MMD2: variants seen among roughly 807,000 people sequenced by gnomAD.
MMD2 encodes the protein monocyte to macrophage differentiation factor 2.
In MMD2, 30 loss-of-function variants were observed where a neutral mutation model predicts 33.5. That is an observed-to-expected ratio of 0.90 (90% CI 0.67 to 1.22). The LOEUF is 1.22. MMD2 is among the 50% of genes most tolerant of loss of function. MMD2 has a pLI of 0.00. For missense variants in MMD2, 364 were observed against 325.4 expected, an observed-to-expected ratio of 1.12 and a Z score of -0.91; for synonymous variants, 129 against 123.0, an observed-to-expected ratio of 1.05 and a Z score of -0.32.
At chr7:4,949,416 T>A (rs1786178404) in intron 1 of MMD2, among the ~76,000 whole-genome samples, 1 of 152,070 alleles carries the variant, frequency 6.6e-6, no homozygotes, top group Non-Finnish European at 1.5e-5. Flanking sequence ...ATCCCACAAA[T>A]AAGTGAGAAC....
In MMD2 at chr7:4,946,197, A is replaced by C. The variant is rs980714553; in HGVS notation, c.47+12774T>G. Reference sequence around the variant, plus strand: ...CATGCACACACACGCGCGCACACCCACACACACGCATGCACACACATGCAC... The same window carrying C: ...CATGCACACACACGCGCGCACACCCCCACACACGCATGCACACACATGCAC... On this transcript the variant is annotated intron_variant, in intron 1 of 6. Coordinates refer to ENST00000401401, the MANE Select transcript of MMD2 (RefSeq NM_198403.4). This position sits in a 1 kb window ranked among gnomAD's most constrained non-coding sequence, Gnocchi z 5.0. Among the ~76,000 whole-genome samples the C allele has an allele frequency of 6.0e-5, 9 of 151,216 alleles. No individual in the cohort carries two copies. Among genetic ancestry groups the C allele is most frequent in the Non-Finnish European group, 8.9e-5 (6 of 67,744 alleles).
At chr7:4,932,017 G>C (rs1048874727) in intron 1 of MMD2, among the ~76,000 whole-genome samples, 4 of 152,138 alleles carry the variant, frequency 2.6e-5, no homozygotes, top group Non-Finnish European at 5.9e-5. Context: ...TCTCCCCGAG[G>C]TCTCTCCCTC....
chr7:4,915,357 G>C (rs1055948495), intron 4 of MMD2, among the ~76,000 whole-genome samples: 1 of 151,740 alleles, frequency 6.6e-6, no homozygotes, highest in African/African-American at 2.4e-5. Flanking sequence ...GTATGTATAT[G>C]CATGTGTATG....
the MMD2 span, among the ~76,000 whole-genome samples, chr7:4,894,510 T>C: frequency 2.0e-5 from 3 of 152,066 alleles, no homozygotes; most frequent in East Asian, 5.8e-4. This position sits in a 1 kb window ranked among gnomAD's most constrained non-coding sequence, Gnocchi z 4.3. Context: ...ACCTCCTCTA[T>C]TGGGCCATCA....
At chr7:4,956,969 C>A (rs1786399246) in intron 1 of MMD2, among the ~76,000 whole-genome samples, 1 of 151,556 alleles carries the variant, frequency 6.6e-6, no homozygotes, top group African/African-American at 2.4e-5. Flanking sequence ...AGTTCAAGAC[C>A]AGCTTGGGCA....
intron 1 of MMD2, among the ~76,000 whole-genome samples, chr7:4,943,372 C>A (rs557666836): frequency 1.3e-5 from 2 of 151,756 alleles, no homozygotes; most frequent in South Asian, 2.1e-4. Flanking sequence ...CTCGATCTCC[C>A]GACCTCGTGA....
chr7:4,949,507 C>G (rs1786181119), intron 1 of MMD2, among the ~76,000 whole-genome samples: 1 of 151,794 alleles, frequency 6.6e-6, no homozygotes, highest in South Asian at 2.1e-4. Flanking sequence ...CTGCAAATGA[C>G]AGAATCTCAG....
rs371310368 is a variant in MMD2 at position 4,907,625 on chromosome 7, A to G, written c.538-26T>C. On this transcript the variant is annotated intron_variant, in intron 6 of 6. Coordinates refer to ENST00000401401, the MANE Select transcript of MMD2 (RefSeq NM_198403.4). ...CTGTCGGCAAGGACAAGGGTGGGGC[A>G]CAGGTCAGAGGGGCAGTCAGTGTGG... is the stretch of plus-strand genomic sequence containing the variant. 9 of 1,610,956 alleles carry G rather than the reference A, an allele frequency of 5.6e-6. No individual in the cohort carries two copies. In the African/African-American group the frequency reaches 1.2e-4, roughly 22 times the overall value.
intron 4 of MMD2, among the ~76,000 whole-genome samples, chr7:4,912,258 G>C (rs770110241): frequency 6.6e-6 from 1 of 151,990 alleles, no homozygotes; most frequent in Non-Finnish European, 1.5e-5. Flanking sequence ...TTGTGTGTAT[G>C]TATAAAGAGA....
intron 4 of MMD2, among the ~76,000 whole-genome samples, chr7:4,913,784 C>A (rs1466394288): frequency 6.7e-6 from 1 of 150,220 alleles, no homozygotes; most frequent in Non-Finnish European, 1.5e-5. Flanking sequence ...GCCTTAGCCT[C>A]CCGAGTAGTT....
At chr7:4,915,876 G>A (rs1785128803) in intron 4 of MMD2, 129 bp downstream of exon 4, 19 of 829,854 alleles carry the variant, frequency 2.3e-5, no homozygotes, top group Non-Finnish European at 3.5e-5. Flanking sequence ...GGAAAAAAGG[G>A]TGGCGGGAAG....
chr7:4,943,361 T>G (rs1785963742), intron 1 of MMD2, among the ~76,000 whole-genome samples: 1 of 152,064 alleles, frequency 6.6e-6, no homozygotes, highest in Non-Finnish European at 1.5e-5. Context: ...ACGAGGATGA[T>G]CTCGATCTCC....
chr7:4,910,100 AT>A, intron 5 of MMD2, 150 bp from the exon 6 acceptor site: 2 of 1,556,436 alleles, frequency 1.3e-6, no homozygotes, highest in Non-Finnish European at 1.7e-6. Context: ...CTTGGCTCAG[AT>A]TTCACCCAGC....
intron 2 of MMD2, 100 bp from the exon 3 acceptor site, chr7:4,920,431 C>G: frequency 8.0e-7 from 1 of 1,243,086 alleles, no homozygotes. Flanking sequence ...TGGCAGCACT[C>G]GGCTCTTGAA....
chr7:4,952,679 T>C (rs1786279032), intron 1 of MMD2, among the ~76,000 whole-genome samples: 1 of 140,822 alleles, frequency 7.1e-6, no homozygotes, highest in Non-Finnish European at 1.5e-5. Context: ...GGTTGCGTGC[T>C]CCGTATGAGA....
chr7:4,938,980 G>A (rs778566600), intron 1 of MMD2, among the ~76,000 whole-genome samples: 16 of 151,672 alleles, frequency 1.1e-4, no homozygotes, highest in Non-Finnish European at 2.1e-4. Flanking sequence ...GGTTGGGGCG[G>A]GTGGATTACC....
At chr7:4,896,875 T>C in the MMD2 span, among the ~76,000 whole-genome samples, 4 of 152,154 alleles carry the variant, frequency 2.6e-5, no homozygotes, top group Non-Finnish European at 4.4e-5. Flanking sequence ...CTTTTCTTTT[T>C]TTGAGACAGA....
Position 4,950,771 on chromosome 7 carries a change from T to G in MMD2, c.47+8200A>C, listed in dbSNP as rs148508839. ...TGTCGCCCAGCAGGCTAGAGTGCAG[T>G]GGCGTGATCTCAGCTCACTGCACCC... On this transcript the variant is annotated intron_variant, in intron 1 of 6. Coordinates refer to ENST00000401401, the MANE Select transcript of MMD2 (RefSeq NM_198403.4). 6.4e-3 allele frequency among the ~76,000 whole-genome samples: 963 copies of G among 150,942 alleles called. 6 individuals carry two copies. Among genetic ancestry groups the G allele is most frequent in the African/African-American group, 0.023 (929 of 41,096 alleles).
At chr7:4,917,259 A>G (rs1255777318) in intron 3 of MMD2, among the ~76,000 whole-genome samples, 1 of 152,168 alleles carries the variant, frequency 6.6e-6, no homozygotes, top group Non-Finnish European at 1.5e-5. Flanking sequence ...TCTAGGTCTC[A>G]GCTTCCTTCT....
Sources: gnomAD v4.1 joint callset for allele counts (sites outside exome capture counted in the v4.1 genomes callset) on GRCh38, gnomAD v4.1.1 for gene constraint, Gnocchi (gnomAD v3.1) non-coding constraint, MANE v1.5 for transcripts, NCBI Gene and HGNC (gene_info 2026-07-23, HGNC 2026-07-21) for gene names.